The following TBCEL variants were observed in gnomAD, a reference collection of about 807,000 sequenced individuals.
The protein encoded by TBCEL is tubulin folding cofactor E like, also known as tubulin-specific chaperone cofactor E-like protein.
A neutral mutation model predicts 44.2 loss-of-function variants in TBCEL; 15 were observed. The observed-to-expected ratio is 0.34, with a 90% CI of 0.23 to 0.52. The LOEUF (loss-of-function observed/expected upper bound fraction) is 0.52. Among genes scored for constraint, TBCEL ranks in the 20% least tolerant of loss-of-function variants. The pLI is 0.95. For missense variants in TBCEL, 319 were observed against 506.3 expected, an observed-to-expected ratio of 0.63 and a Z score of 3.55; for synonymous variants, 171 against 185.4, an observed-to-expected ratio of 0.92 and a Z score of 0.63.
At chr11:121,056,728 A>G (rs1236197203) in intron 6 of TBCEL, among the ~76,000 whole-genome samples, 4 of 151,830 alleles carry the variant, frequency 2.6e-5, no homozygotes, top group Non-Finnish European at 1.5e-5. Context: ...CTAATGATGT[A>G]TGATATTGAA....
intron 4 of TBCEL, among the ~76,000 whole-genome samples, chr11:121,053,275 C>T (rs1246805917): frequency 6.6e-6 from 1 of 151,878 alleles, no homozygotes; most frequent in Non-Finnish European, 1.5e-5. Flanking sequence ...GAATCAGAAA[C>T]CTTTCTAAAG....
chr11:121,047,187 C>T (rs114283327), intron 3 of TBCEL, among the ~76,000 whole-genome samples: 3 of 152,078 alleles, frequency 2.0e-5, no homozygotes, highest in African/African-American at 7.2e-5. Context: ...ACTGGTAGTC[C>T]ACACATGAAT....
In TBCEL at chr11:121,059,335, T is replaced by C. The variant is rs139741630; in HGVS notation, c.840-634T>C. 4.5e-3 allele frequency among the ~76,000 whole-genome samples: 685 copies of C among 152,106 alleles called. 6 individuals carry two copies. The highest frequency in any genetic ancestry group is 7.7e-3 in the Non-Finnish European group (522 of 67,902). ...GCTTTATTTTCTTTACACAATTCTTTTGCAAATATAATAAGTTAATTCTTG... is the reference window on the plus strand; with the variant it reads ...GCTTTATTTTCTTTACACAATTCTTCTGCAAATATAATAAGTTAATTCTTG... On this transcript the variant is annotated intron_variant, in intron 7 of 8. Coordinates refer to ENST00000683345, the MANE Select transcript of TBCEL (RefSeq NM_001363644.2).
chr11:121,047,850 G>A, intron 4 of TBCEL, 183 bp downstream of exon 4: 1 of 657,948 alleles, frequency 1.5e-6, no homozygotes, highest in Non-Finnish European at 2.3e-6. Context: ...TAATCCCAGT[G>A]CTAAGGAGGC....
chr11:121,082,132 A>G (rs1236564603), intron 8 of TBCEL, among the ~76,000 whole-genome samples: 1 of 152,258 alleles, frequency 6.6e-6, no homozygotes, highest in African/African-American at 2.4e-5. Flanking sequence ...ACACATTACT[A>G]TAAACTTAAT....
chr11:121,035,387 A>G (rs185507199), intron 1 of TBCEL: 163 of 152,048 alleles, frequency 1.1e-3, no homozygotes, highest in African/African-American at 3.8e-3. Context: ...TTAGTTTTAG[A>G]ACCAGTACTT....
intron 1 of TBCEL, among the ~76,000 whole-genome samples, chr11:121,030,016 C>T (rs1285838483): frequency 6.6e-6 from 1 of 152,136 alleles, no homozygotes; most frequent in East Asian, 1.9e-4. Context: ...TAAAGAATGA[C>T]AGAGGGTGAA....
rs566153471 is a variant in TBCEL at position 121,078,028 on chromosome 11, T to C, written c.957-8750T>C. Among the ~76,000 whole-genome samples, 295 of 152,238 alleles carry C rather than the reference T, an allele frequency of 1.9e-3. 1 individual carries two copies. The highest frequency in any genetic ancestry group is 3.4e-3 in the Non-Finnish European group (229 of 67,998). On this transcript the variant is annotated intron_variant, in intron 8 of 8. Transcript: ENST00000683345. ...AAAGTCTGTTGTGGTATATTTGAGG[T>C]ACCTTTCTGGTTTAGAATATGGTCT...
intron 3 of TBCEL, among the ~76,000 whole-genome samples, chr11:121,046,587 AT>A (rs529312538): frequency 5.7e-4 from 86 of 150,198 alleles, no homozygotes; most frequent in Non-Finnish European, 8.8e-4. Context: ...TTACTTGGTA[AT>A]TTTTTTTTTC....
At chr11:121,028,218 T>TA (rs1301938830) in intron 1 of TBCEL, among the ~76,000 whole-genome samples, 6 of 151,206 alleles carry the variant, frequency 4.0e-5, no homozygotes, top group Admixed American at 1.3e-4. Flanking sequence ...AATAAATAAA[T>TA]AAATAAAATA....
intron 1 of TBCEL, among the ~76,000 whole-genome samples, chr11:121,026,160 T>C (rs1042019401): frequency 5.3e-5 from 8 of 152,186 alleles, no homozygotes; most frequent in Admixed American, 4.6e-4. Flanking sequence ...ACCAAAGCCA[T>C]AGACATATTT....
At chr11:121,046,449 A>G (rs529907763) in intron 3 of TBCEL, among the ~76,000 whole-genome samples, 19 of 152,138 alleles carry the variant, frequency 1.2e-4, no homozygotes, top group African/African-American at 4.3e-4. Flanking sequence ...AGTTTTTTGT[A>G]ATTGTGGGGG....
chr11:121,053,755 C>T (rs1231564624), intron 5 of TBCEL, 23 bp downstream of exon 5: 8 of 1,608,134 alleles, frequency 5.0e-6, no homozygotes, highest in South Asian at 1.1e-5. Context: ...AGCATGAGGG[C>T]GAGGGAGTTA....
In TBCEL at chr11:121,088,589, G is replaced by C. The variant is rs1202724275; in HGVS notation, c.*1493G>C. The C allele has an allele frequency of 6.6e-6, 1 of 152,138 alleles. No homozygotes were observed. The highest frequency in any genetic ancestry group is 1.5e-5 in the Non-Finnish European group (1 of 68,010). The allele number at this position is 152,138 out of a possible 1,614,324, so 9.4% of individuals were successfully genotyped here. ...AGTGAAGTATTTTTCAAAGAATGCAGTTATTATCTGATTGCATTTGACCTT... is the reference window on the plus strand; with the variant it reads ...AGTGAAGTATTTTTCAAAGAATGCACTTATTATCTGATTGCATTTGACCTT... On this transcript the variant is annotated 3_prime_UTR_variant, in exon 9 of 9. Coordinates refer to ENST00000683345, the MANE Select transcript of TBCEL (RefSeq NM_001363644.2).
At chr11:121,079,812 G>C (rs7940619) in intron 8 of TBCEL, among the ~76,000 whole-genome samples, 1 of 151,884 alleles carries the variant, frequency 6.6e-6, no homozygotes, top group Non-Finnish European at 1.5e-5. Flanking sequence ...AAACAAACTC[G>C]ATAAATGTTT....
chr11:121,025,985 CAT>C (rs1477520588), intron 1 of TBCEL, among the ~76,000 whole-genome samples: 2 of 152,106 alleles, frequency 1.3e-5, no homozygotes, highest in Non-Finnish European at 2.9e-5. Context: ...TTTATCACAA[CAT>C]AGTTAAAGAA....
intron 2 of TBCEL, 43 bp downstream of exon 2, chr11:121,036,655 C>G (rs1945236600): frequency 6.6e-6 from 1 of 151,990 alleles, no homozygotes; most frequent in Non-Finnish European, 1.5e-5. Context: ...TTTTTTTCCC[C>G]TCATATTTCT....
At chr11:121,033,899 A>G (rs1392768804) in intron 1 of TBCEL, among the ~76,000 whole-genome samples, 4 of 151,484 alleles carry the variant, frequency 2.6e-5, no homozygotes, top group Non-Finnish European at 1.5e-5. Flanking sequence ...GGAATCATAC[A>G]CGATTTGTTC....
intron 8 of TBCEL, among the ~76,000 whole-genome samples, chr11:121,084,701 C>A (rs1946185041): frequency 6.6e-6 from 1 of 152,122 alleles, no homozygotes; most frequent in Non-Finnish European, 1.5e-5. Context: ...TTTCCATAGT[C>A]TGAAGGTAAA....
Sources: gnomAD v4.1 joint callset for allele counts (sites outside exome capture counted in the v4.1 genomes callset) on GRCh38, gnomAD v4.1.1 for gene constraint, MANE v1.5 for transcripts, NCBI Gene and HGNC (gene_info 2026-07-23, HGNC 2026-07-21) for gene names.